The following RNF111 variants were observed in gnomAD, a reference collection of about 807,000 sequenced individuals.
RNF111 encodes ring finger protein 111, also known as E3 ubiquitin-protein ligase Arkadia.
In RNF111, 17 loss-of-function variants were observed where a neutral mutation model predicts 95.1. The ratio of observed to expected loss-of-function variants is 0.18; its 90% CI spans 0.12 to 0.27. The LOEUF (loss-of-function observed/expected upper bound fraction) is 0.27, where lower values mean the gene tolerates loss of function less well. RNF111 is among the 10% of genes least tolerant of loss of function. RNF111 has a pLI of 1.00. For missense variants in RNF111, 1,189 were observed against 1,210.4 expected (o/e 0.98, Z 0.26); for synonymous variants, 440 against 414.8 (o/e 1.06, Z -0.74).
chr15:59,047,200 G>A (rs1278301313), intron 2 of RNF111, among the ~76,000 whole-genome samples: 1 of 152,136 alleles, frequency 6.6e-6, no homozygotes, highest in Non-Finnish European at 1.5e-5. Flanking sequence ...TCACCAAAGT[G>A]GCTAATAAAA....
At chr15:59,040,663 A>G (rs994127169) in intron 2 of RNF111, among the ~76,000 whole-genome samples, 2 of 152,212 alleles carry the variant, frequency 1.3e-5, no homozygotes, top group South Asian at 4.1e-4. Context: ...ACATAAGTGA[A>G]CTAGTTTCAA....
intron 1 of RNF111, among the ~76,000 whole-genome samples, chr15:59,019,941 A>G (rs1239746604): frequency 6.6e-6 from 1 of 152,172 alleles, no homozygotes; most frequent in African/African-American, 2.4e-5. Flanking sequence ...CCTGGGTGAC[A>G]GACTGAGACT....
intron 5 of RNF111, among the ~76,000 whole-genome samples, chr15:59,061,303 C>A (rs2042427549): frequency 6.6e-6 from 1 of 152,098 alleles, no homozygotes; most frequent in South Asian, 2.1e-4. Context: ...CTATGTTCTC[C>A]ACAACCCGTC....
At chr15:59,057,078 G>A (rs2042229719) in intron 4 of RNF111, among the ~76,000 whole-genome samples, 1 of 152,008 alleles carries the variant, frequency 6.6e-6, no homozygotes, top group Non-Finnish European at 1.5e-5. Flanking sequence ...CTCAACTAGG[G>A]GCAGTTTTCT....
intron 11 of RNF111, among the ~76,000 whole-genome samples, chr15:59,090,245 T>A (rs1451761762): frequency 6.6e-6 from 1 of 152,168 alleles, no homozygotes; most frequent in Non-Finnish European, 1.5e-5. Context: ...GTTGTTGTTT[T>A]TTTAGATGGA....
At position 59,066,996 on chromosome 15, in the gene RNF111, T is replaced by A; in HGVS notation, c.1599T>A (p.Ser533Arg). Residue 533 changes from serine to arginine, a missense_variant, in exon 6 of 14, where the codon AGT becomes AGA. Ser to Arg is a moderately radical substitution (Grantham distance 110, BLOSUM62 -1). This residue lies in a region of RNF111 where 1,024 missense variants were observed against 925.9 expected (regional missense o/e 1.11). Transcript: ENST00000348370. ...HPAVPVSPSFSDPACPVERPP... is the reference protein window; with the variant it reads ...HPAVPVSPSFRDPACPVERPP... ...CTGTCCCAGTTTCTCCTTCCTTTAG[T>A]GATCCTGCTTGCCCTGTGGAAAGAC... 1 of 1,614,190 alleles carries A rather than the reference T, an allele frequency of 6.2e-7. No homozygotes were observed. The highest frequency in any genetic ancestry group is 8.5e-7 in the Non-Finnish European group (1 of 1,180,032).
chr15:59,036,308 A>T (rs2041175586), intron 2 of RNF111, among the ~76,000 whole-genome samples: 3 of 152,030 alleles, frequency 2.0e-5, no homozygotes, highest in Non-Finnish European at 4.4e-5. Context: ...TCCGCTGCCC[A>T]CCTCAGCCTC....
rs188472528 is a variant in RNF111, at chr15:58,994,245, G to A, written c.-20+6177G>A. ...GTAGAGATGGGGTTTCGCTATGTTG[G>A]CCAGGCTGGTCTCGAACTCCTGACC... On this transcript the variant is annotated intron_variant, in intron 1 of 13. Coordinates refer to ENST00000348370, the MANE Select transcript of RNF111 (RefSeq NM_017610.8). 1.3e-4 allele frequency among the ~76,000 whole-genome samples: 20 copies of A among 151,456 alleles called. No individual in the cohort carries two copies. The East Asian group carries it at 3.7e-3, about 28-fold the overall frequency.
chr15:59,019,105 A>ATTTT (rs35154303), intron 1 of RNF111, among the ~76,000 whole-genome samples: 1 of 121,286 alleles, frequency 8.2e-6, no homozygotes. Flanking sequence ...GTATTTTTGT[A>ATTTT]TTTTTTTTTT....
At chr15:59,067,637 C>G (rs1416032364) in intron 6 of RNF111, among the ~76,000 whole-genome samples, 4 of 152,110 alleles carry the variant, frequency 2.6e-5, no homozygotes, top group African/African-American at 9.7e-5. Flanking sequence ...TGTGGGTAAT[C>G]AAAACTGATA....
intron 2 of RNF111, among the ~76,000 whole-genome samples, chr15:59,036,462 A>G (rs1484170046): frequency 2.0e-5 from 3 of 152,206 alleles, no homozygotes; most frequent in Non-Finnish European, 2.9e-5. Context: ...GCAAAGTCAC[A>G]TCTTACATGG....
intron 1 of RNF111, among the ~76,000 whole-genome samples, chr15:59,022,965 G>A (rs1306235332): frequency 6.6e-5 from 10 of 152,230 alleles, no homozygotes; most frequent in African/African-American, 2.4e-4. Context: ...TGAGGAAATT[G>A]GCTGGGCGCG....
intron 6 of RNF111, among the ~76,000 whole-genome samples, chr15:59,072,608 G>A (rs1226496633): frequency 6.6e-6 from 1 of 151,234 alleles, no homozygotes; most frequent in Non-Finnish European, 1.5e-5. Context: ...CCGCCACCAC[G>A]CCTGGCTAAT....
intron 6 of RNF111, among the ~76,000 whole-genome samples, chr15:59,068,713 C>T (rs1292728122): frequency 6.6e-6 from 1 of 152,036 alleles, no homozygotes; most frequent in Non-Finnish European, 1.5e-5. Flanking sequence ...TGTCACCCGA[C>T]CTTTCCTAAA....
intron 1 of RNF111, among the ~76,000 whole-genome samples, chr15:59,029,005 C>G (rs1410288070): frequency 6.6e-6 from 1 of 152,104 alleles, no homozygotes; most frequent in Non-Finnish European, 1.5e-5. Context: ...ATCTCGAACT[C>G]CTGGCCTCCA....
rs759908644 is a variant in RNF111, at chr15:59,031,530, G to A, written c.708G>A (p.Arg236=). The A allele has an allele frequency of 6.2e-7, 1 of 1,614,188 alleles. No individual in the cohort carries two copies. The highest frequency in any genetic ancestry group is 2.2e-5 in the East Asian group (1 of 44,886). Residue 236 remains arginine, a synonymous_variant, in exon 2 of 14, where the codon AGG becomes AGA. Coordinates refer to ENST00000348370, the MANE Select transcript of RNF111 (RefSeq NM_017610.8). ...AAAAAGAGAGGATATTAATGCAGAG[G>A]AAGAAACGAGAAGTGTTAGCTCGAA... ...QKQKERILMQ[R]KKREVLARRK...
intron 2 of RNF111, among the ~76,000 whole-genome samples, chr15:59,039,797 A>G (rs1376040222): frequency 6.6e-6 from 1 of 151,680 alleles, no homozygotes; most frequent in Non-Finnish European, 1.5e-5. Context: ...GCTCAGTACA[A>G]CCTCTGCCTC....
rs770006201 is a variant in RNF111, at chr15:59,094,884, T to C, written c.2945T>C (p.Leu982Pro). Residue 982 changes from leucine to proline, a missense_variant, in exon 14 of 14, where the codon CTG becomes CCG. Leu to Pro is a moderately conservative substitution (Grantham distance 98, BLOSUM62 -3). This residue lies in a region of RNF111 where 165 missense variants were observed against 284.6 expected (regional missense o/e 0.58). Coordinates refer to ENST00000348370, the MANE Select transcript of RNF111 (RefSeq NM_017610.8). The part of the protein sequence containing the change: ...PICRVDIEAQ[L>P]PSES The stretch of plus-strand genomic sequence containing the variant: ...TGCAGAGTGGACATTGAGGCCCAGC[T>C]GCCAAGTGAAAGTTGACACCATGTT... The C allele has an allele frequency of 6.2e-7, 1 of 1,603,364 alleles. No individual in the cohort carries two copies. The highest frequency in any genetic ancestry group is 1.1e-5 in the South Asian group (1 of 90,828).
chr15:59,074,368 A>G (rs182980057), intron 6 of RNF111, among the ~76,000 whole-genome samples: 2 of 152,332 alleles, frequency 1.3e-5, no homozygotes, highest in Admixed American at 6.5e-5. Context: ...GTCGACATGG[A>G]AAATCTGTTA....
Sources: allele counts gnomAD v4.1 joint callset (sites outside exome capture counted in the v4.1 genomes callset), GRCh38; gene constraint gnomAD v4.1.1; regional missense constraint gnomAD v4.1.1; transcripts MANE v1.5; gene names NCBI Gene and HGNC (gene_info 2026-07-23, HGNC 2026-07-21).